Variants in CERCAM observed in about 807,000 individuals in gnomAD.
The protein encoded by CERCAM is inactive glycosyltransferase 25 family member 3.
Under a neutral mutation model 66.0 loss-of-function variants are expected in CERCAM, and 59 were observed. The ratio of observed to expected loss-of-function variants is 0.89; its 90% confidence interval spans 0.73 to 1.11. The LOEUF (loss-of-function observed/expected upper bound fraction) is 1.11. Among genes scored for constraint, CERCAM ranks in the 50% most tolerant of loss-of-function variants. The pLI is 0.00. For missense variants in CERCAM, 840 were observed against 828.3 expected (o/e 1.01, Z -0.17); for synonymous variants, 318 against 343.6 (o/e 0.93, Z 0.83).
chr9:128,421,616 A>ATCTT (rs1833711401), intron 1 of CERCAM: 1 of 796,856 alleles, frequency 1.3e-6, no homozygotes, highest in African/African-American at 1.9e-5. Flanking sequence ...ATCTTGGTAG[A>ATCTT]GGGGCGGGAT....
At chr9:128,428,655 T>C (rs1833902118) in intron 6 of CERCAM, 102 bp from the exon 7 acceptor site, 2 of 1,349,414 alleles carry the variant, frequency 1.5e-6, no homozygotes, top group Admixed American at 1.7e-5. Flanking sequence ...TGTGGGGTGT[T>C]CTGCCAAAGG....
Position 128,428,729 on chromosome 9 carries a change from C to G in CERCAM, c.887-28C>G, listed in dbSNP as rs373091334. ...CTGCTAACAGGAGTCAGTAGGGACT[C>G]GTGCTTGGGGTGTGCTTCCCTTTGC... On this transcript the variant is annotated intron_variant, in intron 6 of 12. Coordinates refer to ENST00000372838, the MANE Select transcript of CERCAM (RefSeq NM_016174.5). The G allele has an allele frequency of 2.5e-6, 4 of 1,612,338 alleles. No homozygotes were observed. In the Admixed American group the frequency reaches 5.0e-5, roughly 20 times the overall value.
intron 1 of CERCAM, chr9:128,422,355 G>C (rs1039556378): frequency 6.5e-6 from 1 of 153,214 alleles, no homozygotes; most frequent in Admixed American, 6.5e-5. Flanking sequence ...ATCACCTGAG[G>C]TGAGGAGTTC....
In CERCAM at chr9:128,435,620, T is replaced by C. The variant is rs557067367; in HGVS notation, c.1536-33T>C. On this transcript the variant is annotated intron_variant, in intron 11 of 12. Transcript: ENST00000372838. ...TGTGTCCGGGGAGTAGGGGCCCGCC[T>C]CAATCCCCCTGAGCTATCCTCTCAC... 6 of 1,556,136 alleles carry C rather than the reference T, an allele frequency of 3.9e-6. No homozygotes were observed. In the East Asian group the frequency reaches 1.4e-4, roughly 35 times the overall value.
chr9:128,425,134 G>A (rs1178467657), intron 5 of CERCAM, among the ~76,000 whole-genome samples: 1 of 150,694 alleles, frequency 6.6e-6, no homozygotes, highest in Non-Finnish European at 1.5e-5. Context: ...TTGGCTCACT[G>A]CAAGCTCCGC....
chr9:128,425,815 C>CTTT (rs75397129), intron 5 of CERCAM, among the ~76,000 whole-genome samples: 43 of 107,436 alleles, frequency 4.0e-4, no homozygotes, highest in African/African-American at 8.7e-4. Context: ...CCAGCCCAGC[C>CTTT]TTTTTTTTTT....
At chr9:128,424,684 T>C in intron 5 of CERCAM, 70 bp downstream of exon 5, 1 of 1,379,980 alleles carries the variant, frequency 7.2e-7, no homozygotes, top group Non-Finnish European at 1.0e-6. Context: ...TCCAGCTGCT[T>C]ACCATGCCCT....
At chr9:128,436,602 A>G (rs1316812891) in intron 12 of CERCAM, among the ~76,000 whole-genome samples, 1 of 151,542 alleles carries the variant, frequency 6.6e-6, no homozygotes, top group East Asian at 1.9e-4. Flanking sequence ...CTGGTTTTCA[A>G]CTCCTGACCT....
At position 128,424,204 on chromosome 9, in the gene CERCAM, C is replaced by A. The variant is rs1833781359; in HGVS notation, c.493C>A (p.Pro165Thr). The stretch of plus-strand genomic sequence containing the variant: ...GCGGCTTCTCATGGGGCAGGGGCTT[C>A]CAGTGGTGGCCCCAATGCTGGACTC... The part of the protein sequence containing the change: ...TLRLLMGQGL[P>T]VVAPMLDSQT... The change falls in exon 4 of 13, where the codon CCA (proline) becomes ACA (threonine). Residue 165 changes from proline (P) to threonine (T), a missense_variant. Pro to Thr is a conservative substitution (Grantham distance 38). Coordinates refer to ENST00000372838, the MANE Select transcript of CERCAM (RefSeq NM_016174.5). 3 of 1,614,054 alleles carry A rather than the reference C, an allele frequency of 1.9e-6. No individual in the cohort carries two copies. The South Asian group carries it at 3.3e-5, about 18-fold the overall frequency.
intron 6 of CERCAM, among the ~76,000 whole-genome samples, 160 bp downstream of exon 6, chr9:128,428,581 G>C (rs576717640): frequency 1.3e-5 from 2 of 152,158 alleles, no homozygotes; most frequent in African/African-American, 4.8e-5. Flanking sequence ...TTTCCCTGTT[G>C]GGCCTTAGTC....
intron 5 of CERCAM, 103 bp downstream of exon 5, chr9:128,424,717 G>C: frequency 1.9e-6 from 2 of 1,060,312 alleles, no homozygotes; most frequent in South Asian, 1.4e-5. Context: ...ATTTCATCCT[G>C]TTAACCCATG....
At chr9:128,419,370 G>T (rs1002213601), upstream of CERCAM, 1 of 152,324 alleles carries the variant, frequency 6.6e-6, no homozygotes, top group African/African-American at 2.4e-5. Context: ...CTGGGAAAAG[G>T]CTGAAGGGAG....
intron 9 of CERCAM, among the ~76,000 whole-genome samples, chr9:128,432,901 T>A (rs1468313809): frequency 6.7e-6 from 1 of 149,426 alleles, no homozygotes; most frequent in African/African-American, 2.5e-5. Context: ...TAATCCCAGC[T>A]GAGGCAGACA....
intron 1 of CERCAM, chr9:128,421,350 G>A (rs1352630097): frequency 1.7e-6 from 2 of 1,186,106 alleles, no homozygotes; most frequent in East Asian, 3.6e-5. Flanking sequence ...CTGGGTGTAG[G>A]TTGGGCCCAG....
chr9:128,433,278 CAAAAA>C (rs758064235), intron 9 of CERCAM, among the ~76,000 whole-genome samples: 2 of 70,624 alleles, frequency 2.8e-5, no homozygotes, highest in African/African-American at 4.7e-5. Context: ...AACTCCGTCT[CAAAAA>C]AAAAAAAAAA....
intron 8 of CERCAM, 190 bp from the exon 9 acceptor site, chr9:128,430,981 C>T (rs953261054): frequency 7.8e-6 from 5 of 645,068 alleles, no homozygotes; most frequent in Non-Finnish European, 1.3e-5. Context: ...TGCACTCCAG[C>T]CTGGGCAACA....
chr9:128,423,164 G>C lies in CERCAM; in HGVS notation c.327G>C (p.Glu109Asp), dbSNP rs757603080. 7 of 1,613,958 alleles carry C rather than the reference G, an allele frequency of 4.3e-6. No individual in the cohort carries two copies. The highest frequency in any genetic ancestry group is 5.9e-6 in the Non-Finnish European group (7 of 1,180,002). ...CCCTCAGGTTCTACCCAGATGAAGA[G>C]GGTCCCAAGCACTGGACCAAAGAAA... is the stretch of plus-strand genomic sequence containing the variant. The part of the protein sequence containing the change: ...EGEPRFYPDE[E>D]GPKHWTKERH... The change falls in exon 3 of 13, where the codon GAG (glutamate) becomes GAC (aspartate). Residue 109 changes from glutamate to aspartate, a missense_variant. Physicochemically the swap from Glu to Asp is conservative, Grantham distance 45. Coordinates refer to ENST00000372838, the MANE Select transcript of CERCAM (RefSeq NM_016174.5).
intron 1 of CERCAM, chr9:128,421,621 CG>C: frequency 1.3e-6 from 1 of 759,202 alleles, no homozygotes; most frequent in Non-Finnish European, 1.6e-6. Flanking sequence ...GGTAGAGGGG[CG>C]GGATCCTGTC....
intron 1 of CERCAM, 83 bp downstream of exon 1, chr9:128,421,157 C>A: frequency 7.9e-7 from 1 of 1,257,984 alleles, no homozygotes; most frequent in Non-Finnish European, 1.0e-6. Flanking sequence ...GCCCTGTCTG[C>A]TCGCTCCCTG....
Sources: allele counts gnomAD v4.1 joint callset (sites outside exome capture counted in the v4.1 genomes callset), GRCh38; gene constraint gnomAD v4.1.1; transcripts MANE v1.5; gene names NCBI Gene and HGNC (gene_info 2026-07-23, HGNC 2026-07-21).